TXNRD1: variants seen among roughly 807,000 people sequenced by gnomAD.
TXNRD1 encodes the protein thioredoxin reductase 1, also known as thioredoxin reductase 1, cytoplasmic.
TXNRD1 carries 57 observed loss-of-function variants against 80.3 expected under a neutral mutation model. That is an observed-to-expected ratio of 0.71 (90% CI 0.57 to 0.89). TXNRD1 has a LOEUF of 0.89. TXNRD1 is among the 40% of genes least tolerant of loss of function. The probability of loss-of-function intolerance (pLI) is 0.00; values close to 1 mark genes in which losing one functional copy is unlikely to be tolerated. For missense variants in TXNRD1, 730 were observed against 803.0 expected, an observed-to-expected ratio of 0.91 and a Z score of 1.10; for synonymous variants, 291 against 285.2, an observed-to-expected ratio of 1.02 and a Z score of -0.20.
chr12:104,313,189 A>G, intron 5 of TXNRD1, 56 bp from the exon 6 acceptor site: 1 of 1,416,430 alleles, frequency 7.1e-7, no homozygotes, highest in Non-Finnish European at 9.7e-7. Context: ...TTAACAGCCC[A>G]TTTCCAATCT....
chr12:104,331,527 T>G lies in TXNRD1; in HGVS notation c.1543-7T>G. ...TATTATAACTCCTTACCTCCATTTT[T>G]AAACAGTGTGACTATGAAAATGTTC... On this transcript the variant is annotated splice_region_variant and splice_polypyrimidine_tract_variant and intron_variant, in intron 13 of 16. Transcript: ENST00000525566. 6.3e-7 allele frequency: 1 copy of G among 1,590,152 alleles called. No individual in the cohort carries two copies. The highest frequency in any genetic ancestry group is 2.2e-5 in the East Asian group (1 of 44,658).
intron 1 of TXNRD1, among the ~76,000 whole-genome samples, chr12:104,242,775 C>G (rs761432878): frequency 6.6e-6 from 1 of 152,182 alleles, no homozygotes; most frequent in Non-Finnish European, 1.5e-5. Context: ...TCTCCTACCT[C>G]AAACACACAG....
intron 2 of TXNRD1, among the ~76,000 whole-genome samples, chr12:104,253,389 G>A (rs2033172882): frequency 2.9e-5 from 1 of 34,318 alleles, no homozygotes; most frequent in Non-Finnish European, 5.9e-5. Context: ...AGAGGCAGAA[G>A]ACACAGTCCC....
At chr12:104,266,091 T>C (rs368064982) in intron 3 of TXNRD1, among the ~76,000 whole-genome samples, 7 of 152,342 alleles carry the variant, frequency 4.6e-5, no homozygotes, top group African/African-American at 9.6e-5. Flanking sequence ...TTTTCCTGTA[T>C]GTTGTATTTC....
In TXNRD1 at chr12:104,348,425, C is replaced by T; in HGVS notation, c.*4C>T. On this transcript the variant is annotated 3_prime_UTR_variant, in exon 17 of 17. Coordinates refer to ENST00000525566, the MANE Select transcript of TXNRD1 (RefSeq NM_001093771.3). Reference sequence around the variant, plus strand: ...CCAGGCTGGCTGCTGAGGTTAAGCCCCAGTGTGGATGCTGTTGCCAAGACT... The same window carrying T: ...CCAGGCTGGCTGCTGAGGTTAAGCCTCAGTGTGGATGCTGTTGCCAAGACT... The T allele has an allele frequency of 6.2e-7, 1 of 1,613,924 alleles. No individual in the cohort carries two copies. Among genetic ancestry groups the T allele is most frequent in the Non-Finnish European group, 8.5e-7 (1 of 1,179,850 alleles).
intron 3 of TXNRD1, among the ~76,000 whole-genome samples, chr12:104,261,463 C>T (rs1008638429): frequency 2.0e-5 from 3 of 151,972 alleles, no homozygotes; most frequent in African/African-American, 7.2e-5. Flanking sequence ...ATGCCCGTCC[C>T]CCTTGTTCTT....
chr12:104,339,292 T>G lies in TXNRD1; in HGVS notation c.1881+19T>G. ...TGCAGAGGTGGGTCATCTACACTTA[T>G]ACAGTTTAAAATGTTTAAAATGTGC... On this transcript the variant is annotated intron_variant, in intron 16 of 16. Transcript: ENST00000525566. The G allele has an allele frequency of 1.2e-6, 2 of 1,613,662 alleles. No homozygotes were observed. The highest frequency in any genetic ancestry group is 1.7e-6 in the Non-Finnish European group (2 of 1,179,694).
At chr12:104,339,677 A>C (rs917620240) in intron 16 of TXNRD1, among the ~76,000 whole-genome samples, 2 of 152,214 alleles carry the variant, frequency 1.3e-5, no homozygotes, top group African/African-American at 4.8e-5. Context: ...TGATGCTTTC[A>C]AAAGATCAAA....
chr12:104,220,741 G>T (rs1358891372), intron 1 of TXNRD1, among the ~76,000 whole-genome samples: 4 of 72,068 alleles, frequency 5.6e-5, no homozygotes, highest in Non-Finnish European at 1.0e-4. Flanking sequence ...AAAAAAAAAC[G>T]GTGGGGGGGA....
intron 16 of TXNRD1, among the ~76,000 whole-genome samples, chr12:104,341,878 A>T (rs2036337075): frequency 6.6e-6 from 1 of 152,208 alleles, no homozygotes; most frequent in African/African-American, 2.4e-5. Flanking sequence ...TTCCCATGAT[A>T]AATTGCTAGC....
intron 3 of TXNRD1, among the ~76,000 whole-genome samples, chr12:104,266,799 A>G (rs1565869482): frequency 6.6e-6 from 1 of 152,008 alleles, no homozygotes; most frequent in Non-Finnish European, 1.5e-5. Flanking sequence ...CGTCTCTACT[A>G]AAAACACAAA....
At chr12:104,287,451 A>G in intron 3 of TXNRD1, 1 of 1,612,566 alleles carries the variant, frequency 6.2e-7, no homozygotes, top group South Asian at 1.1e-5. Context: ...CGTTTCTTAC[A>G]GAGTCCGAGT....
chr12:104,291,825 C>T (rs967671116), intron 4 of TXNRD1, among the ~76,000 whole-genome samples: 7 of 152,130 alleles, frequency 4.6e-5, no homozygotes, highest in African/African-American at 1.7e-4. Context: ...AAAGGAGAAA[C>T]AGCAAGGTAA....
At chr12:104,320,437 C>G (rs2035488242) in intron 9 of TXNRD1, among the ~76,000 whole-genome samples, 1 of 152,144 alleles carries the variant, frequency 6.6e-6, no homozygotes, top group Non-Finnish European at 1.5e-5. Context: ...AAAGCCCAAC[C>G]CCTAATATCA....
chr12:104,333,569 G>A (rs1379413396), intron 14 of TXNRD1, among the ~76,000 whole-genome samples: 1 of 151,838 alleles, frequency 6.6e-6, no homozygotes, highest in Non-Finnish European at 1.5e-5. Context: ...AAGAACACTT[G>A]TTATGTCTTC....
At position 104,321,231 on chromosome 12, in the gene TXNRD1, G is replaced by C; in HGVS notation, c.1130G>C (p.Gly377Ala). Residue 377 changes from glycine to alanine, a missense_variant, in exon 10 of 17, where the codon GGA becomes GCA. Coordinates refer to ENST00000525566, the MANE Select transcript of TXNRD1 (RefSeq NM_001093771.3). Reference sequence around the variant, plus strand: ...ATGGTTAGGTCCATTCTTCTTAGAGGATTTGACCAGGACATGGCCAACAAA... The same window carrying C: ...ATGGTTAGGTCCATTCTTCTTAGAGCATTTGACCAGGACATGGCCAACAAA... ...TVMVRSILLR[G>A]FDQDMANKIG... 6.2e-7 allele frequency: 1 copy of C among 1,613,906 alleles called. No homozygotes were observed. Among genetic ancestry groups the C allele is most frequent in the Non-Finnish European group, 8.5e-7 (1 of 1,179,876 alleles).
At chr12:104,261,214 A>G (rs1263785621) in intron 3 of TXNRD1, among the ~76,000 whole-genome samples, 1 of 150,264 alleles carries the variant, frequency 6.7e-6, no homozygotes, top group Non-Finnish European at 1.5e-5. Flanking sequence ...CCCAGGTTGG[A>G]GTGCGATGGC....
At chr12:104,276,502 A>G (rs1330295447) in intron 3 of TXNRD1, 1 of 152,240 alleles carries the variant, frequency 6.6e-6, no homozygotes, top group African/African-American at 2.4e-5. Flanking sequence ...TCAACTCCAG[A>G]AATTAGCAAA....
chr12:104,265,446 C>G lies in TXNRD1; in HGVS notation c.304+7367C>G. ...TCGTCGCCAAGTCCCGCTTCTGGTA[C>G]TTTGTATCTCAGTTAAAGAAGATGA... On this transcript the variant is annotated intron_variant, in intron 3 of 16. Transcript: ENST00000525566. 4 of 1,604,738 alleles carry G rather than the reference C, an allele frequency of 2.5e-6. No homozygotes were observed. In the South Asian group the frequency reaches 4.4e-5, roughly 18 times the overall value.
Sources: gnomAD v4.1 joint callset for allele counts (sites outside exome capture counted in the v4.1 genomes callset) on GRCh38, gnomAD v4.1.1 for gene constraint, MANE v1.5 for transcripts, NCBI Gene and HGNC (gene_info 2026-07-23, HGNC 2026-07-21) for gene names.